The following PPFIA2 variants were observed in gnomAD, a reference collection of about 807,000 sequenced individuals.
The protein encoded by PPFIA2 is liprin-alpha-2.
Under a neutral mutation model 175.5 loss-of-function variants are expected in PPFIA2, and 46 were observed. The observed-to-expected ratio is 0.26, with a 90% CI of 0.21 to 0.34. PPFIA2 has a LOEUF of 0.34. Ranked by LOEUF, PPFIA2 falls within the 10% of genes least tolerant of loss-of-function variation. The pLI is 1.00. For missense variants in PPFIA2, 1,179 were observed against 1,506.1 expected, an observed-to-expected ratio of 0.78 and a Z score of 3.60; for synonymous variants, 568 against 511.4, an observed-to-expected ratio of 1.11 and a Z score of -1.49.
At chr12:81,270,716 CATTTCTGTTGTTT>C (rs1313393272) in intron 28 of PPFIA2, 1 of 152,174 alleles carries the variant, frequency 6.6e-6, no homozygotes, top group African/African-American at 2.4e-5. Context: ...TGAGACAACA[CATTTCTGTTGTTT>C]AAGACACACA....
At chr12:81,472,236 C>T (rs540068329) in intron 4 of PPFIA2, among the ~76,000 whole-genome samples, 1 of 152,192 alleles carries the variant, frequency 6.6e-6, no homozygotes, top group East Asian at 1.9e-4. Context: ...CTAAGGAGCT[C>T]TGGATTTCCT....
At chr12:81,386,351 T>C (rs576670008) in intron 8 of PPFIA2, among the ~76,000 whole-genome samples, 1 of 151,532 alleles carries the variant, frequency 6.6e-6, no homozygotes, top group Non-Finnish European at 1.5e-5. Context: ...GGGCTGTATG[T>C]GGTGGCTGGC....
chr12:81,598,088 C>T, intron 4 of PPFIA2: 1 of 1,532,966 alleles, frequency 6.5e-7, no homozygotes, highest in Admixed American at 2.0e-5. Flanking sequence ...GAGCAGAGAG[C>T]TTAGCGTACA....
intron 4 of PPFIA2, among the ~76,000 whole-genome samples, chr12:81,516,476 T>C (rs1291815381): frequency 6.6e-6 from 1 of 152,124 alleles, no homozygotes; most frequent in Non-Finnish European, 1.5e-5. Context: ...TTGAACCTAT[T>C]TGGAAATAGG....
chr12:81,562,098 G>T (rs1253668413), intron 4 of PPFIA2, among the ~76,000 whole-genome samples: 3 of 152,116 alleles, frequency 2.0e-5, no homozygotes, highest in Admixed American at 2.0e-4. Context: ...CTCTTAAAAA[G>T]ATAGGCCTTT....
At chr12:81,321,807 G>A (rs1180023596) in intron 22 of PPFIA2, among the ~76,000 whole-genome samples, 1 of 152,138 alleles carries the variant, frequency 6.6e-6, no homozygotes, top group Non-Finnish European at 1.5e-5. Context: ...AATTTGGTGA[G>A]TTGAACCTTA....
chr12:81,563,745 A>C (rs2070689829), intron 4 of PPFIA2, among the ~76,000 whole-genome samples: 1 of 152,214 alleles, frequency 6.6e-6, no homozygotes, highest in South Asian at 2.1e-4. Flanking sequence ...TACACTAGTC[A>C]GTCGTTATTC....
intron 4 of PPFIA2, among the ~76,000 whole-genome samples, chr12:81,634,078 T>G (rs2063712096): frequency 6.6e-6 from 1 of 152,138 alleles, no homozygotes; most frequent in South Asian, 2.1e-4. Flanking sequence ...ATGCATTTTT[T>G]GTTTGCCTCA....
chr12:81,714,608 A>G (rs778937641), intron 3 of PPFIA2, among the ~76,000 whole-genome samples: 4 of 151,134 alleles, frequency 2.6e-5, no homozygotes, highest in Admixed American at 6.8e-5. Context: ...TAGAAAGAAA[A>G]GGCAGAAGAC....
intron 28 of PPFIA2, among the ~76,000 whole-genome samples, chr12:81,271,732 T>C (rs1204514547): frequency 1.3e-5 from 2 of 152,176 alleles, no homozygotes; most frequent in African/African-American, 4.8e-5. Context: ...ATTCCCTTCC[T>C]TTTGCATTAT....
intron 28 of PPFIA2, among the ~76,000 whole-genome samples, chr12:81,277,106 T>A (rs937929761): frequency 6.6e-6 from 1 of 152,100 alleles, no homozygotes; most frequent in Non-Finnish European, 1.5e-5. Flanking sequence ...AACTCAAGAT[T>A]ACTCCCCAAA....
intron 22 of PPFIA2, among the ~76,000 whole-genome samples, chr12:81,317,591 CA>C (rs2052701981): frequency 1.3e-5 from 2 of 151,358 alleles, no homozygotes; most frequent in Non-Finnish European, 3.0e-5. Flanking sequence ...CAAGGAAGAG[CA>C]GAAGCAAAGA....
At chr12:81,312,486 T>C (rs1011596164) in intron 22 of PPFIA2, 3 of 346,704 alleles carry the variant, frequency 8.7e-6, no homozygotes, top group African/African-American at 2.1e-5. Context: ...TCAAGAAATC[T>C]TGGTAAAGGA....
intron 4 of PPFIA2, among the ~76,000 whole-genome samples, chr12:81,533,708 T>G (rs1262516314): frequency 8.1e-6 from 1 of 124,026 alleles, no homozygotes. Flanking sequence ...TCTATCTATC[T>G]ATCTATCTAT....
intron 1 of PPFIA2, among the ~76,000 whole-genome samples, chr12:81,759,034 T>TA (rs1022803665): frequency 2.0e-5 from 3 of 151,996 alleles, no homozygotes; most frequent in African/African-American, 7.2e-5. Context: ...AACGAGTCCC[T>TA]AGGGATGCAA....
chr12:81,692,292 G>A (rs558317974), intron 3 of PPFIA2, among the ~76,000 whole-genome samples: 31 of 152,200 alleles, frequency 2.0e-4, no homozygotes, highest in African/African-American at 7.5e-4. Flanking sequence ...TTGAGCCTGA[G>A]CTGATGTCAG....
intron 4 of PPFIA2, among the ~76,000 whole-genome samples, chr12:81,566,780 T>G (rs2071414476): frequency 6.6e-6 from 1 of 152,134 alleles, no homozygotes; most frequent in South Asian, 2.1e-4. Flanking sequence ...GTAGAACATG[T>G]GTGACTGTAT....
intron 7 of PPFIA2, among the ~76,000 whole-genome samples, chr12:81,408,701 AGTGTATACAT>A (rs1356225576): frequency 3.3e-5 from 5 of 152,222 alleles, no homozygotes; most frequent in Non-Finnish European, 5.9e-5. Flanking sequence ...AGTTTGCTAC[AGTGTATACAT>A]GACAATTAGT....
At position 81,259,551 on chromosome 12, in the gene PPFIA2, T is replaced by TAAG; in HGVS notation, c.*140_*142dup. 7 of 1,340,320 alleles carry TAAG rather than the reference T, an allele frequency of 5.2e-6. No homozygotes were observed. The highest frequency in any genetic ancestry group is 7.2e-6 in the Non-Finnish European group (7 of 978,958). 83.0% of individuals were successfully genotyped at this position (1,340,320 alleles called of 1,614,324 possible). On this transcript the variant is annotated 3_prime_UTR_variant, in exon 33 of 33. Coordinates refer to ENST00000549396, the MANE Select transcript of PPFIA2 (RefSeq NM_003625.5). ...AAAAATCACATTTTTCAGCTTTTAA[T>TAAG]AAGTCATGACGTCATTATTTCCTTA...
Sources: gnomAD v4.1 joint callset for allele counts (sites outside exome capture counted in the v4.1 genomes callset) on GRCh38, gnomAD v4.1.1 for gene constraint, MANE v1.5 for transcripts, NCBI Gene and HGNC (gene_info 2026-07-23, HGNC 2026-07-21) for gene names.